CFAP74: variants seen among roughly 807,000 people sequenced by gnomAD.
The protein encoded by CFAP74 is cilia and flagella associated protein 74, also known as cilia- and flagella-associated protein 74.
Under a neutral mutation model 188.9 loss-of-function variants are expected in CFAP74, and 124 were observed. The ratio of observed to expected loss-of-function variants is 0.66; its 90% CI spans 0.57 to 0.76. The LOEUF is 0.76. Among genes scored for constraint, CFAP74 ranks in the 30% least tolerant of loss-of-function variants. CFAP74 has a pLI of 0.00. For synonymous variants in CFAP74, 956 were observed against 916.7 expected (o/e 1.04, Z -0.77); for missense variants, 2,198 against 2,165.2 (o/e 1.02, Z -0.30).
intron 33 of CFAP74, among the ~76,000 whole-genome samples, chr1:1,925,384 C>T (rs1044998638): frequency 1.3e-5 from 2 of 152,042 alleles, no homozygotes. Context: ...CATGAGAGCA[C>T]GCAGGGCAGT....
At chr1:1,995,273 C>A (rs528033011) in intron 1 of CFAP74, among the ~76,000 whole-genome samples, 1 of 151,910 alleles carries the variant, frequency 6.6e-6, no homozygotes, top group Admixed American at 6.6e-5. Context: ...CCGAGGTGGG[C>A]GGATCACTTA....
chr1:1,976,298 G>A (rs1201749538), intron 6 of CFAP74, among the ~76,000 whole-genome samples: 1 of 152,156 alleles, frequency 6.6e-6, no homozygotes, highest in Non-Finnish European at 1.5e-5. Flanking sequence ...GGGGTCGTGG[G>A]GCGGCTCCCT....
chr1:1,942,510 C>T lies in CFAP74; in HGVS notation c.2487-354G>A, dbSNP rs1653453683. On this transcript the variant is annotated intron_variant, in intron 21 of 38. Coordinates refer to ENST00000682832, the MANE Select transcript of CFAP74 (RefSeq NM_001304360.2). This position sits in a 1 kb window ranked among gnomAD's most constrained non-coding sequence, Gnocchi z 4.3. ...GGGGACATGAGGGGTGGAACCCCTC[C>T]CTCCAGGGCTCTGCCCGCCTCCTGC... Among the ~76,000 whole-genome samples the T allele has an allele frequency of 6.6e-6, 1 of 152,074 alleles. No individual in the cohort carries two copies. The highest frequency in any genetic ancestry group is 6.5e-5 in the Admixed American group (1 of 15,282).
rs1201863891 is a variant in CFAP74, at chr1:1,930,364, A to G, written c.3012-28T>C. 6 of 1,498,378 alleles carry G rather than the reference A, an allele frequency of 4.0e-6. No homozygotes were observed. In the Admixed American group the frequency reaches 6.1e-5, roughly 15 times the overall value. 92.8% of individuals were successfully genotyped at this position (1,498,378 alleles called of 1,614,324 possible). ...GCAAGCAGCAGCATGGGAGGCCCTC[A>G]GCCGTGCAGGGCGTCCGTGTCCCTC... On this transcript the variant is annotated intron_variant, in intron 25 of 38. Coordinates refer to ENST00000682832, the MANE Select transcript of CFAP74 (RefSeq NM_001304360.2).
At chr1:1,988,480 G>A (rs1305875035) in intron 4 of CFAP74, 32 bp downstream of exon 4, 2 of 1,605,780 alleles carry the variant, frequency 1.2e-6, no homozygotes, top group East Asian at 2.2e-5. Flanking sequence ...GCATCAAGAG[G>A]TGCAGGTGCA....
At chr1:1,977,916 T>G (rs1656555851) in intron 6 of CFAP74, among the ~76,000 whole-genome samples, 1 of 152,200 alleles carries the variant, frequency 6.6e-6, no homozygotes, top group Admixed American at 6.5e-5. Context: ...CTCAGCTCAC[T>G]GCATCCTTGA....
chr1:1,960,922 T>G (rs1334012931), intron 14 of CFAP74, among the ~76,000 whole-genome samples: 2 of 152,064 alleles, frequency 1.3e-5, no homozygotes, highest in African/African-American at 4.8e-5. Flanking sequence ...AGAGGACGTA[T>G]AGATAAAATG....
intron 6 of CFAP74, among the ~76,000 whole-genome samples, chr1:1,983,381 C>T (rs559947851): frequency 9.3e-4 from 142 of 152,228 alleles, no homozygotes; most frequent in Non-Finnish European, 1.8e-3. Flanking sequence ...AGCGGCCCCA[C>T]AGTGGGGCTG....
intron 18 of CFAP74, among the ~76,000 whole-genome samples, chr1:1,952,962 T>C (rs1654295007): frequency 6.6e-6 from 1 of 152,174 alleles, no homozygotes; most frequent in African/African-American, 2.4e-5. Flanking sequence ...CCAGCCTCAA[T>C]ACTGTTAAGA....
At chr1:1,985,235 C>G in intron 6 of CFAP74, 151 bp downstream of exon 6, 1 of 633,204 alleles carries the variant, frequency 1.6e-6, no homozygotes, top group South Asian at 1.9e-5. Flanking sequence ...ACCCTTCCAA[C>G]CACTGCATTC....
At chr1:1,979,469 AAC>A (rs748933545) in intron 6 of CFAP74, among the ~76,000 whole-genome samples, 13,133 of 103,928 alleles carry the variant, frequency 0.13, 1,657 homozygotes, top group Non-Finnish European at 0.17. Context: ...AGCTGCACAG[AAC>A]ACGCGTGTGG....
chr1:1,991,901 A>G (rs113741871), intron 1 of CFAP74, among the ~76,000 whole-genome samples: 11,028 of 150,490 alleles, frequency 0.073, 872 homozygotes, highest in African/African-American at 0.19. Flanking sequence ...TTAGCCGGGC[A>G]TGGTGGCAGG....
chr1:1,987,715 T>A (rs1307217901), intron 4 of CFAP74, among the ~76,000 whole-genome samples: 1 of 152,072 alleles, frequency 6.6e-6, no homozygotes, highest in African/African-American at 2.4e-5. Context: ...CTAATTTTTG[T>A]ATTTTTAGTA....
chr1:1,956,299 C>G (rs917756209), intron 17 of CFAP74, among the ~76,000 whole-genome samples: 1 of 152,198 alleles, frequency 6.6e-6, no homozygotes, highest in Non-Finnish European at 1.5e-5. Flanking sequence ...CACCCCCACA[C>G]CTGGGGCTTC....
At chr1:1,939,817 A>G in intron 23 of CFAP74, 50 bp from the exon 24 acceptor site, 1 of 1,500,980 alleles carries the variant, frequency 6.7e-7, no homozygotes, top group East Asian at 2.5e-5. Context: ...GAGACTTACC[A>G]AGTGCTCCCC....
In CFAP74 at chr1:1,922,662, G is replaced by T; in HGVS notation, c.4745C>A (p.Pro1582His). 1 of 1,603,138 alleles carries T rather than the reference G, an allele frequency of 6.2e-7. No individual in the cohort carries two copies. Among genetic ancestry groups the T allele is most frequent in the Non-Finnish European group, 8.5e-7 (1 of 1,174,072 alleles). The change falls in exon 38 of 39, where the codon CCC (proline) becomes CAC (histidine). Residue 1582 changes from proline (P) to histidine (H), a missense_variant. By Grantham distance (77) the Pro-to-His change is moderately conservative (BLOSUM62 -2). Coordinates refer to ENST00000682832, the MANE Select transcript of CFAP74 (RefSeq NM_001304360.2). ...SLQHKGFSIE[P>H]SRGSVERGQT... ...GCCGCGCTCCACGGAGCCCCTGGAGGGCTCAATAGAGAAACCCTTGTGCTG... is the reference window on the plus strand; with the variant it reads ...GCCGCGCTCCACGGAGCCCCTGGAGTGCTCAATAGAGAAACCCTTGTGCTG...
intron 16 of CFAP74, among the ~76,000 whole-genome samples, chr1:1,957,577 T>G (rs111796965): frequency 0.013 from 2,051 of 152,208 alleles, 28 homozygotes; most frequent in African/African-American, 0.046. Flanking sequence ...GTCTCGGTGC[T>G]CCTGTCACAG....
intron 18 of CFAP74, among the ~76,000 whole-genome samples, chr1:1,948,150 C>A (rs113932360): frequency 6.6e-6 from 1 of 152,084 alleles, no homozygotes; most frequent in Non-Finnish European, 1.5e-5. Flanking sequence ...GGATTACAGG[C>A]GTGAGCCACT....
intron 14 of CFAP74, 64 bp downstream of exon 14, chr1:1,963,685 A>G: frequency 9.8e-7 from 1 of 1,023,202 alleles, no homozygotes; most frequent in Non-Finnish European, 1.5e-6. Flanking sequence ...CTGAACATGA[A>G]GGGACCTATG....
Sources: gnomAD v4.1 joint callset for allele counts (sites outside exome capture counted in the v4.1 genomes callset) on GRCh38, gnomAD v4.1.1 for gene constraint, Gnocchi (gnomAD v3.1) non-coding constraint, MANE v1.5 for transcripts, NCBI Gene and HGNC (gene_info 2026-07-23, HGNC 2026-07-21) for gene names.